The following MYOM2 variants were observed in gnomAD, a reference collection of about 807,000 sequenced individuals.
The protein encoded by MYOM2 is myomesin 2.
A neutral mutation model predicts 187.6 loss-of-function variants in MYOM2; 254 were observed. The observed-to-expected ratio is 1.35, with a 90% confidence interval of 1.22 to 1.50. The LOEUF (loss-of-function observed/expected upper bound fraction) is 1.50. Among genes scored for constraint, MYOM2 ranks in the 40% most tolerant of loss-of-function variants. The pLI is 0.00. For synonymous variants in MYOM2, 981 were observed against 753.8 expected (o/e 1.30, Z -4.94); for missense variants, 2,796 against 1,924.0 (o/e 1.45, Z -8.48).
chr8:2,075,268 T>C (rs1819379155), intron 10 of MYOM2, among the ~76,000 whole-genome samples: 1 of 152,166 alleles, frequency 6.6e-6, no homozygotes, highest in Non-Finnish European at 1.5e-5. Context: ...GTCTTCTGCA[T>C]GTGCCTGCTG....
intron 28 of MYOM2, among the ~76,000 whole-genome samples, chr8:2,122,374 T>C (rs974593853): frequency 6.6e-6 from 1 of 152,216 alleles, no homozygotes; most frequent in African/African-American, 2.4e-5. Context: ...CAGGCAGCCA[T>C]GCACTTGGGG....
Position 2,076,147 on chromosome 8 carries a change from A to G in MYOM2, c.1127A>G (p.Asp376Gly), listed in dbSNP as rs752008528. 25 of 1,611,638 alleles carry G rather than the reference A, an allele frequency of 1.6e-5. No individual in the cohort carries two copies. The highest frequency in any genetic ancestry group is 2.1e-5 in the Non-Finnish European group (25 of 1,179,548). The part of the protein sequence containing the change: ...HSAFLFVRDA[D>G]PLVTGAPGAP... The stretch of plus-strand genomic sequence containing the variant: ...TTTCTCTCCCTGCCCCAAGATGCTG[A>G]CCCGCTGGTCACAGGGGCCCCCGGT... The change falls in exon 11 of 37, where the codon GAC (aspartate) becomes GGC (glycine). Residue 376 changes from aspartate (D) to glycine (G), a missense_variant. Transcript: ENST00000262113.
chr8:2,141,246 G>A, intron 34 of MYOM2, 69 bp downstream of exon 34: 1 of 1,401,492 alleles, frequency 7.1e-7, no homozygotes, highest in Non-Finnish European at 1.0e-6. Context: ...TTGGCTGCAT[G>A]TGGGAATCTG....
At chr8:2,056,175 G>T (rs1818657151) in intron 3 of MYOM2, among the ~76,000 whole-genome samples, 1 of 152,208 alleles carries the variant, frequency 6.6e-6, no homozygotes, top group Non-Finnish European at 1.5e-5. Flanking sequence ...GAAATAACAG[G>T]AGGTCTGGCG....
chr8:2,066,896 G>A (rs1188151917), intron 6 of MYOM2, among the ~76,000 whole-genome samples: 1 of 152,246 alleles, frequency 6.6e-6, no homozygotes, highest in African/African-American at 2.4e-5. Context: ...GTTCAGGCTA[G>A]AATTGTAGCT....
chr8:2,068,995 C>G (rs1401261313), intron 6 of MYOM2, among the ~76,000 whole-genome samples: 1 of 152,190 alleles, frequency 6.6e-6, no homozygotes, highest in African/African-American at 2.4e-5. Context: ...GAGACTTCTC[C>G]TTGAGAATGA....
intron 5 of MYOM2, among the ~76,000 whole-genome samples, chr8:2,058,693 C>T (rs942662044): frequency 2.6e-5 from 4 of 152,124 alleles, no homozygotes; most frequent in African/African-American, 4.8e-5. Context: ...GGCTGAGGCT[C>T]GCCTGCTCTT....
intron 6 of MYOM2, among the ~76,000 whole-genome samples, chr8:2,062,818 T>G (rs1022392640): frequency 4.0e-4 from 61 of 152,146 alleles, no homozygotes; most frequent in African/African-American, 1.4e-3. Flanking sequence ...TCCCAAGCTG[T>G]GTTCTGATAA....
chr8:2,088,649 C>A (rs377703493), intron 14 of MYOM2, among the ~76,000 whole-genome samples: 1 of 152,236 alleles, frequency 6.6e-6, no homozygotes, highest in South Asian at 2.1e-4. Flanking sequence ...GGGGGCACCA[C>A]ATTTTCTCTC....
chr8:2,083,865 C>A (rs1036926188), intron 13 of MYOM2, among the ~76,000 whole-genome samples: 16 of 152,206 alleles, frequency 1.1e-4, no homozygotes, highest in Non-Finnish European at 2.9e-5. Context: ...TCCTTCTCAC[C>A]TTGTCATCAA....
intron 1 of MYOM2, among the ~76,000 whole-genome samples, chr8:2,046,302 C>T (rs181723054): frequency 3.9e-5 from 6 of 152,320 alleles, no homozygotes; most frequent in Non-Finnish European, 7.3e-5. Context: ...GGATATCAGA[C>T]ACGTGGTCCC....
At chr8:2,113,471 T>A (rs1797134614) in intron 25 of MYOM2, among the ~76,000 whole-genome samples, 1 of 151,968 alleles carries the variant, frequency 6.6e-6, no homozygotes, top group South Asian at 2.1e-4. Flanking sequence ...CTGCCTGGGG[T>A]GGGGCTTCTG....
intron 25 of MYOM2, among the ~76,000 whole-genome samples, chr8:2,113,862 G>A (rs1797149164): frequency 6.6e-6 from 1 of 152,206 alleles, no homozygotes; most frequent in African/African-American, 2.4e-5. Flanking sequence ...ACATGTGTTT[G>A]GTATTTCTCA....
intron 6 of MYOM2, among the ~76,000 whole-genome samples, chr8:2,065,290 G>T (rs1187345665): frequency 6.6e-6 from 1 of 152,200 alleles, no homozygotes; most frequent in Admixed American, 6.5e-5. Flanking sequence ...GCCTTGGCAG[G>T]CCAGGCACGG....
chr8:2,097,452 T>C (rs1796533247), intron 18 of MYOM2, among the ~76,000 whole-genome samples: 2 of 152,196 alleles, frequency 1.3e-5, no homozygotes, highest in Non-Finnish European at 2.9e-5. Flanking sequence ...CCAATTAACA[T>C]CTCCATTGCC....
intron 25 of MYOM2, among the ~76,000 whole-genome samples, chr8:2,114,590 C>T (rs1003295621): frequency 3.6e-4 from 55 of 152,164 alleles, no homozygotes; most frequent in African/African-American, 1.2e-3. Context: ...ATGCCTCAGC[C>T]TTCTGAGTAG....
At chr8:2,075,868 A>C (rs1365079136) in intron 10 of MYOM2, among the ~76,000 whole-genome samples, 1 of 152,250 alleles carries the variant, frequency 6.6e-6, no homozygotes, top group Non-Finnish European at 1.5e-5. Flanking sequence ...CCAAGAGAAG[A>C]TGACCTGTAA....
At chr8:2,060,930 G>C (rs1393770086) in intron 6 of MYOM2, among the ~76,000 whole-genome samples, 1 of 152,106 alleles carries the variant, frequency 6.6e-6, no homozygotes, top group African/African-American at 2.4e-5. Context: ...CAAGGAGTAG[G>C]GTAGGGCGGA....
chr8:2,110,990 T>C (rs1797051496), intron 25 of MYOM2, among the ~76,000 whole-genome samples: 1 of 152,208 alleles, frequency 6.6e-6, no homozygotes, highest in African/African-American at 2.4e-5. Context: ...AAGCCAGTGG[T>C]ATAACTATTG....
Sources: allele counts gnomAD v4.1 joint callset (sites outside exome capture counted in the v4.1 genomes callset), GRCh38; gene constraint gnomAD v4.1.1; transcripts MANE v1.5; gene names NCBI Gene and HGNC (gene_info 2026-07-23, HGNC 2026-07-21).